The following TMPRSS11F variants were observed in gnomAD, a reference collection of about 807,000 sequenced individuals.
The protein encoded by TMPRSS11F is transmembrane serine protease 11F.
In TMPRSS11F, 47 loss-of-function variants were observed where a neutral mutation model predicts 60.2. The ratio of observed to expected loss-of-function variants is 0.78; its 90% CI spans 0.62 to 1.00. The LOEUF is 1.00. Ranked by LOEUF, TMPRSS11F falls within the 50% of genes least tolerant of loss-of-function variation. The pLI is 0.00. For missense variants in TMPRSS11F, 519 were observed against 522.9 expected, an observed-to-expected ratio of 0.99 and a Z score of 0.07; for synonymous variants, 166 against 167.3, an observed-to-expected ratio of 0.99 and a Z score of 0.06.
At chr4:68,124,489 G>A (rs1724678788) in intron 1 of TMPRSS11F, among the ~76,000 whole-genome samples, 2 of 152,274 alleles carry the variant, frequency 1.3e-5, no homozygotes, top group African/African-American at 4.8e-5. Context: ...AAACCCGGGC[G>A]ACCAAGCGGA....
At chr4:68,062,591 G>T in intron 8 of TMPRSS11F, 1 of 861,790 alleles carries the variant, frequency 1.2e-6, no homozygotes, top group South Asian at 1.3e-5. Flanking sequence ...CCGTCCTTTT[G>T]ACTCTTTCAT....
intron 8 of TMPRSS11F, among the ~76,000 whole-genome samples, chr4:68,063,525 C>T (rs1276368552): frequency 6.6e-6 from 1 of 152,002 alleles, no homozygotes; most frequent in Non-Finnish European, 1.5e-5. Flanking sequence ...TACAGGCCTG[C>T]ACCACCATGC....
intron 1 of TMPRSS11F, 23 bp downstream of exon 1, chr4:68,129,787 A>G: frequency 6.2e-7 from 1 of 1,611,838 alleles, no homozygotes; most frequent in Non-Finnish European, 8.5e-7. Flanking sequence ...GATAACCTTT[A>G]CTGAGAAAAG....
chr4:68,077,890 T>C (rs1423191069), intron 3 of TMPRSS11F, among the ~76,000 whole-genome samples: 1 of 152,160 alleles, frequency 6.6e-6, no homozygotes, highest in African/African-American at 2.4e-5. Flanking sequence ...GTGGGCGGTG[T>C]GCCGGCAGAC....
At chr4:68,099,670 CA>C (rs1467309299) in intron 1 of TMPRSS11F, among the ~76,000 whole-genome samples, 8 of 152,206 alleles carry the variant, frequency 5.3e-5, no homozygotes, top group African/African-American at 1.7e-4. Context: ...TGATATCTTT[CA>C]AGTGAAATTT....
intron 1 of TMPRSS11F, among the ~76,000 whole-genome samples, chr4:68,117,675 T>C (rs1724555260): frequency 6.6e-6 from 1 of 152,154 alleles, no homozygotes; most frequent in East Asian, 1.9e-4. Context: ...GTGTCTCCAC[T>C]GAGAAATCCT....
At chr4:68,083,763 T>G (rs1256372284) in intron 3 of TMPRSS11F, among the ~76,000 whole-genome samples, 1 of 152,102 alleles carries the variant, frequency 6.6e-6, no homozygotes. Flanking sequence ...CTCTGGCAAT[T>G]CAAAAAGTCA....
intron 8 of TMPRSS11F, chr4:68,063,383 TTTTG>T (rs1190447097): frequency 2.6e-6 from 1 of 386,092 alleles, no homozygotes; most frequent in East Asian, 6.9e-5. Context: ...CTGTTTTTGT[TTTTG>T]TTTGTTTTGA....
intron 9 of TMPRSS11F, among the ~76,000 whole-genome samples, chr4:68,057,680 T>C (rs951601867): frequency 6.6e-6 from 1 of 152,072 alleles, no homozygotes; most frequent in Non-Finnish European, 1.5e-5. Flanking sequence ...AAACAAAACC[T>C]GATTTTAAAA....
intron 3 of TMPRSS11F, among the ~76,000 whole-genome samples, chr4:68,085,349 C>G (rs1392960106): frequency 4.0e-5 from 6 of 151,806 alleles, no homozygotes; most frequent in Non-Finnish European, 8.8e-5. Context: ...ACAGTCCCAC[C>G]AACAGTGTAA....
chr4:68,091,974 A>G (rs1644799803), intron 2 of TMPRSS11F, among the ~76,000 whole-genome samples: 1 of 151,832 alleles, frequency 6.6e-6, no homozygotes, highest in Non-Finnish European at 1.5e-5. Context: ...TTTAGTAGAG[A>G]ACAGTTTCAC....
At chr4:68,111,259 T>C (rs1470845455) in intron 1 of TMPRSS11F, among the ~76,000 whole-genome samples, 1 of 152,180 alleles carries the variant, frequency 6.6e-6, no homozygotes, top group African/African-American at 2.4e-5. Flanking sequence ...AATGATTCTT[T>C]CTCATGCACT....
intron 1 of TMPRSS11F, among the ~76,000 whole-genome samples, chr4:68,127,579 T>C (rs1182293679): frequency 6.6e-6 from 1 of 152,136 alleles, no homozygotes; most frequent in Non-Finnish European, 1.5e-5. Flanking sequence ...TAACTAGCTA[T>C]TAACTCTTTG....
intron 9 of TMPRSS11F, among the ~76,000 whole-genome samples, chr4:68,055,101 C>G (rs989982438): frequency 6.6e-6 from 1 of 152,014 alleles, no homozygotes; most frequent in South Asian, 2.1e-4. Flanking sequence ...CGCGAAGGAG[C>G]CTGGCAAATG....
chr4:68,101,561 T>G (rs1724190333), intron 1 of TMPRSS11F, among the ~76,000 whole-genome samples: 1 of 152,178 alleles, frequency 6.6e-6, no homozygotes, highest in South Asian at 2.1e-4. Flanking sequence ...TTGAAAAAGA[T>G]TATTTAGATG....
intron 1 of TMPRSS11F, among the ~76,000 whole-genome samples, chr4:68,117,645 T>C (rs1165387938): frequency 2.6e-5 from 4 of 152,100 alleles, no homozygotes; most frequent in African/African-American, 7.2e-5. Flanking sequence ...GGATGGTTGT[T>C]AGGTTGAATA....
intron 3 of TMPRSS11F, among the ~76,000 whole-genome samples, chr4:68,083,240 G>A (rs566490998): frequency 6.6e-6 from 1 of 152,112 alleles, no homozygotes; most frequent in African/African-American, 2.4e-5. Context: ...CTTTAGCTTG[G>A]ACTGTCACTA....
At chr4:68,107,967 T>C (rs1724337000) in intron 1 of TMPRSS11F, among the ~76,000 whole-genome samples, 1 of 152,118 alleles carries the variant, frequency 6.6e-6, no homozygotes, top group African/African-American at 2.4e-5. Context: ...TTTGGAGTTT[T>C]GATCCCTGTG....
At chr4:68,088,627 G>C (rs1354776874) in intron 3 of TMPRSS11F, among the ~76,000 whole-genome samples, 1 of 151,926 alleles carries the variant, frequency 6.6e-6, no homozygotes, top group Non-Finnish European at 1.5e-5. Context: ...TTCCAAAATT[G>C]ACCACATACT....
Sources: gnomAD v4.1 joint callset for allele counts (sites outside exome capture counted in the v4.1 genomes callset) on GRCh38, gnomAD v4.1.1 for gene constraint, MANE v1.5 for transcripts, NCBI Gene and HGNC (gene_info 2026-07-23, HGNC 2026-07-21) for gene names.